The following IFITM10 variants were observed in gnomAD, a reference collection of about 807,000 sequenced individuals.
IFITM10 encodes interferon-induced transmembrane protein 10.
A neutral mutation model predicts 19.0 loss-of-function variants in IFITM10; 17 were observed. The ratio of observed to expected loss-of-function variants is 0.90; its 90% CI spans 0.61 to 1.34. IFITM10 has a LOEUF of 1.34. Among genes scored for constraint, IFITM10 ranks in the 40% most tolerant of loss-of-function variants. The pLI is 0.00. For missense variants in IFITM10, 306 were observed against 319.8 expected, an observed-to-expected ratio of 0.96 and a Z score of 0.33; for synonymous variants, 148 against 147.2, an observed-to-expected ratio of 1.01 and a Z score of -0.04.
chr11:1,740,696 A>C (rs1845555957), intron 2 of IFITM10, among the ~76,000 whole-genome samples: 1 of 152,192 alleles, frequency 6.6e-6, no homozygotes, highest in Non-Finnish European at 1.5e-5. Flanking sequence ...TCTAGGGCAG[A>C]GATATAAATT....
chr11:1,735,180 C>T lies in IFITM10; in HGVS notation c.*100G>A, dbSNP rs1318945117. 1.1e-5 allele frequency: 15 copies of T among 1,342,208 alleles called. No homozygotes were observed. The highest frequency in any genetic ancestry group is 6.1e-6 in the Non-Finnish European group (6 of 985,006). The allele number at this position is 1,342,208 out of a possible 1,614,324, so 83.1% of individuals were successfully genotyped here. The stretch of plus-strand genomic sequence containing the variant: ...CTCAAGGGGGCCCCAGGACAAGAAG[C>T]CCTGCCCTGCCCCAACCTCATGGGA... On this transcript the variant is annotated 3_prime_UTR_variant, in exon 3 of 3. Transcript: ENST00000340134.
intron 2 of IFITM10, among the ~76,000 whole-genome samples, chr11:1,736,350 G>T (rs185531676): frequency 5.3e-5 from 8 of 152,328 alleles, no homozygotes; most frequent in Admixed American, 5.2e-4. Flanking sequence ...ATGGACAGAG[G>T]ATAGATGTGT....
chr11:1,747,824 T>A lies in IFITM10; in HGVS notation c.380A>T (p.His127Leu). The change falls in exon 2 of 3, where the codon CAC becomes CTC. Residue 127 changes from histidine (H) to leucine (L), a missense_variant. His to Leu is a moderately conservative substitution (Grantham distance 99, BLOSUM62 -3). Coordinates refer to ENST00000340134, the MANE Select transcript of IFITM10 (RefSeq NM_001170820.4). ...RAAGAPPACK[H>L]LAEKKTMTNP... ...GGTCATCGTCTTCTTCTCGGCTAGG[T>A]GCTTGCAGGCAGGGGGCGCGCCGGC... is the stretch of plus-strand genomic sequence containing the variant. 6.5e-7 allele frequency: 1 copy of A among 1,549,204 alleles called. No homozygotes were observed. Among genetic ancestry groups the A allele is most frequent in the Non-Finnish European group, 8.7e-7 (1 of 1,145,354 alleles).
chr11:1,739,649 CAG>C (rs1199015544), intron 2 of IFITM10, among the ~76,000 whole-genome samples: 9 of 151,762 alleles, frequency 5.9e-5, no homozygotes, highest in African/African-American at 2.2e-4. Context: ...TGGCCAGGCT[CAG>C]GGGAACAGAG....
At chr11:1,742,184 G>A (rs1845576017) in intron 2 of IFITM10, among the ~76,000 whole-genome samples, 1 of 152,162 alleles carries the variant, frequency 6.6e-6, no homozygotes, top group Admixed American at 6.5e-5. Context: ...GATGGTCAAC[G>A]AGATGAGTGG....
intron 1 of IFITM10, 165 bp from the exon 2 acceptor site, chr11:1,748,284 G>A: frequency 4.1e-6 from 2 of 492,088 alleles, no homozygotes; most frequent in Non-Finnish European, 3.3e-6. Flanking sequence ...GGCCTCGGCG[G>A]CCACGGACGA....
chr11:1,737,655 G>A (rs561593211), intron 2 of IFITM10, among the ~76,000 whole-genome samples: 85 of 152,332 alleles, frequency 5.6e-4, no homozygotes, highest in Middle Eastern at 6.8e-3. Flanking sequence ...ATTCCAGAGC[G>A]TTTCCAGACA....
chr11:1,736,245 G>A (rs908277500), intron 2 of IFITM10, among the ~76,000 whole-genome samples: 3 of 152,232 alleles, frequency 2.0e-5, no homozygotes, highest in African/African-American at 7.2e-5. Flanking sequence ...CTGAAAGAAG[G>A]AAGGTGGGCA....
intron 2 of IFITM10, chr11:1,746,663 C>T (rs1056931074): frequency 1.8e-5 from 7 of 398,504 alleles, no homozygotes; most frequent in Non-Finnish European, 3.1e-5. Context: ...GGAGCAGAGG[C>T]GAAGCTGGCC....
chr11:1,746,890 G>A (rs544441146), intron 2 of IFITM10: 13 of 397,904 alleles, frequency 3.3e-5, no homozygotes, highest in Admixed American at 1.3e-4. Flanking sequence ...GCCTGCCCTC[G>A]CCCTCACGCT....
chr11:1,747,158 C>T (rs925594824), intron 2 of IFITM10, among the ~76,000 whole-genome samples: 24 of 152,150 alleles, frequency 1.6e-4, no homozygotes, highest in African/African-American at 5.8e-4. Context: ...GGTCTCCACG[C>T]AGGGCTTGGC....
Position 1,735,364 on chromosome 11 carries a change from C to T in IFITM10, c.603G>A (p.Leu201=). 6.4e-7 allele frequency: 1 copy of T among 1,551,736 alleles called. No individual in the cohort carries two copies. Residue 201 remains leucine (L), a synonymous_variant, in exon 3 of 3, where the codon CTG becomes CTA. Coordinates refer to ENST00000340134, the MANE Select transcript of IFITM10 (RefSeq NM_001170820.4). ...GAVEDAKTAR[L]FNITSSALAA... is the part of the protein sequence containing the mutation. ...CCAGGGCAGAACTGGTGATGTTGAA[C>T]AGCCGGGCCGTCTTTGCATCCTCCA... is the stretch of plus-strand genomic sequence containing the variant.
intron 2 of IFITM10, among the ~76,000 whole-genome samples, chr11:1,740,684 G>C (rs1845555773): frequency 6.6e-6 from 1 of 152,188 alleles, no homozygotes; most frequent in East Asian, 1.9e-4. Flanking sequence ...TCAGAGATGA[G>C]GTCTAGGGCA....
intron 2 of IFITM10, among the ~76,000 whole-genome samples, chr11:1,738,246 G>A (rs572265733): frequency 7.2e-5 from 11 of 152,222 alleles, no homozygotes; most frequent in Middle Eastern, 3.4e-3. Context: ...GATGTACAAT[G>A]GGGCTACAGT....
intron 2 of IFITM10, among the ~76,000 whole-genome samples, chr11:1,738,700 C>A (rs1473166348): frequency 6.6e-6 from 1 of 152,096 alleles, no homozygotes; most frequent in East Asian, 1.9e-4. Context: ...TGAGACAGAG[C>A]CAACTTCTGG....
Position 1,748,095 on chromosome 11 carries a change from C to A in IFITM10, c.109G>T (p.Ala37Ser). ...LEAQGPGQCP[A>S]PLGDPASTTD... ...GTGCTGGCCGGGTCTCCCAGCGGGG[C>A]TGGGCACTGGCCGGGGCCCTGGGCC... The change falls in exon 2 of 3, where the codon GCC becomes TCC. Residue 37 changes from alanine to serine, a missense_variant. By Grantham distance (99) the Ala-to-Ser change is moderately conservative. Transcript: ENST00000340134. The A allele has an allele frequency of 2.1e-6, 3 of 1,404,466 alleles. No homozygotes were observed. The highest frequency in any genetic ancestry group is 2.8e-6 in the Non-Finnish European group (3 of 1,086,968). The allele number at this position is 1,404,466 out of a possible 1,614,324, so 87.0% of individuals were successfully genotyped here.
intron 2 of IFITM10, chr11:1,746,760 A>G (rs965325634): frequency 5.0e-6 from 2 of 398,688 alleles, no homozygotes; most frequent in Non-Finnish European, 8.8e-6. Context: ...GGGCAGCTGC[A>G]TTGGTGGAGT....
intron 2 of IFITM10, among the ~76,000 whole-genome samples, chr11:1,740,056 C>A (rs1590895647): frequency 6.6e-6 from 1 of 152,118 alleles, no homozygotes; most frequent in African/African-American, 2.4e-5. Flanking sequence ...AATCCCAGCA[C>A]TTTGGGAGGC....
chr11:1,742,308 A>C (rs1390517242), intron 2 of IFITM10, among the ~76,000 whole-genome samples: 1 of 152,140 alleles, frequency 6.6e-6, no homozygotes, highest in Non-Finnish European at 1.5e-5. Flanking sequence ...AATGAAGGGG[A>C]TAGAAGGGGA....
Sources: allele counts gnomAD v4.1 joint callset (sites outside exome capture counted in the v4.1 genomes callset), GRCh38; gene constraint gnomAD v4.1.1; transcripts MANE v1.5; gene names NCBI Gene and HGNC (gene_info 2026-07-23, HGNC 2026-07-21).